The following SGIP1 variants were observed in gnomAD, a reference collection of about 807,000 sequenced individuals.
The protein encoded by SGIP1 is SH3GL interacting endocytic adaptor 1.
A neutral mutation model predicts 107.5 loss-of-function variants in SGIP1; 38 were observed. The ratio of observed to expected loss-of-function variants is 0.35; its 90% CI spans 0.27 to 0.46. The LOEUF (loss-of-function observed/expected upper bound fraction) is 0.46, where lower values mean the gene tolerates loss of function less well. Ranked by LOEUF, SGIP1 falls within the 20% of genes least tolerant of loss-of-function variation. The pLI is 1.00. For synonymous variants in SGIP1, 365 were observed against 366.1 expected (o/e 1.00, Z 0.03); for missense variants, 929 against 1,019.5 (o/e 0.91, Z 1.21).
intron 18 of SGIP1, among the ~76,000 whole-genome samples, chr1:66,715,193 G>A (rs746028682): frequency 4.6e-5 from 7 of 152,104 alleles, no homozygotes; most frequent in Non-Finnish European, 8.8e-5. Flanking sequence ...TTTGGATAAT[G>A]TTTGTAGAAT....
intron 18 of SGIP1, among the ~76,000 whole-genome samples, chr1:66,712,003 C>T (rs1010828950): frequency 1.3e-5 from 2 of 152,114 alleles, no homozygotes; most frequent in Non-Finnish European, 2.9e-5. Flanking sequence ...CTGAAGCCTA[C>T]ACCCTCTGAC....
chr1:66,642,974 T>A (rs886552077), intron 6 of SGIP1, 110 bp downstream of exon 6: 25 of 909,818 alleles, frequency 2.7e-5, no homozygotes, highest in Non-Finnish European at 4.1e-5. Flanking sequence ...ACAAGTCCTG[T>A]TATCCCTAAT....
At chr1:66,638,500 C>G (rs1356587378) in intron 4 of SGIP1, among the ~76,000 whole-genome samples, 1 of 152,124 alleles carries the variant, frequency 6.6e-6, no homozygotes, top group Non-Finnish European at 1.5e-5. Context: ...TGGTCACAGA[C>G]CTTATGTCCA....
intron 1 of SGIP1, among the ~76,000 whole-genome samples, chr1:66,541,702 A>G (rs1260400277): frequency 6.6e-6 from 1 of 152,190 alleles, no homozygotes; most frequent in African/African-American, 2.4e-5. Context: ...GTGTGGAGTT[A>G]CCTGTGTTTC....
At chr1:66,658,673 A>G (rs962812700) in intron 7 of SGIP1, among the ~76,000 whole-genome samples, 10 of 152,350 alleles carry the variant, frequency 6.6e-5, no homozygotes, top group African/African-American at 1.9e-4. Flanking sequence ...GTGAGCTAAT[A>G]ATCAAGTGGA....
Position 66,750,336 on chromosome 1 carries a change from C to T in SGIP1, c.*7241C>T, listed in dbSNP as rs959756961. On this transcript the variant is annotated 3_prime_UTR_variant, in exon 25 of 25. Transcript: ENST00000371037. ...ATTAATTTTCATTCTTACTAAGTGG[C>T]CATGTAAGGCATTGATTTTTTTTAA... Among the ~76,000 whole-genome samples the T allele has an allele frequency of 6.6e-6, 1 of 151,966 alleles. No homozygotes were observed. The highest frequency in any genetic ancestry group is 2.4e-5 in the African/African-American group (1 of 41,350).
At chr1:66,610,294 A>T (rs1278690469) in intron 1 of SGIP1, among the ~76,000 whole-genome samples, 1 of 152,200 alleles carries the variant, frequency 6.6e-6, no homozygotes, top group Non-Finnish European at 1.5e-5. Flanking sequence ...TTGTTTTTCT[A>T]TGTGATTATA....
chr1:66,725,197 G>A (rs553376287), intron 19 of SGIP1, among the ~76,000 whole-genome samples: 1 of 152,320 alleles, frequency 6.6e-6, no homozygotes, highest in South Asian at 2.1e-4. Context: ...TAACACCTGA[G>A]TGAGGGAGGC....
rs2089255048 is a variant in SGIP1, at chr1:66,689,173, C to A, written c.1341C>A (p.Ala447=). The A allele has an allele frequency of 5.6e-6, 9 of 1,613,412 alleles. No homozygotes were observed. Among genetic ancestry groups the A allele is most frequent in the Non-Finnish European group, 7.6e-6 (9 of 1,179,772 alleles). Reference sequence around the variant, plus strand: ...GTGCATCATCCCCTGCTCGACCAGCCACTCCTTTGGTTCCTTGCAGAAGTA... The same window carrying A: ...GTGCATCATCCCCTGCTCGACCAGCAACTCCTTTGGTTCCTTGCAGAAGTA... ...TSGASSPARP[A]TPLVPCRSTT... is the part of the protein sequence containing the mutation. The change falls in exon 16 of 25, where the codon GCC becomes GCA. Residue 447 remains alanine, a synonymous_variant. Transcript: ENST00000371037.
At chr1:66,545,490 A>T (rs1287460913) in intron 1 of SGIP1, among the ~76,000 whole-genome samples, 6 of 152,206 alleles carry the variant, frequency 3.9e-5, no homozygotes, top group African/African-American at 1.4e-4. Context: ...GCTAGTGAAC[A>T]TGTTTCCTCC....
intron 1 of SGIP1, among the ~76,000 whole-genome samples, chr1:66,555,550 T>C (rs573905285): frequency 1.3e-5 from 2 of 152,260 alleles, no homozygotes; most frequent in South Asian, 4.1e-4. Flanking sequence ...TTGGTTGAAT[T>C]AACAAATGAC....
chr1:66,714,045 T>C (rs1434395055), intron 18 of SGIP1, among the ~76,000 whole-genome samples: 1 of 152,064 alleles, frequency 6.6e-6, no homozygotes, highest in Non-Finnish European at 1.5e-5. Flanking sequence ...CAACTCTAAT[T>C]CAACAACCTC....
intron 20 of SGIP1, among the ~76,000 whole-genome samples, chr1:66,731,676 A>C (rs1191189980): frequency 1.3e-5 from 2 of 152,122 alleles, no homozygotes; most frequent in African/African-American, 2.4e-5. Flanking sequence ...CCACTACCTC[A>C]ACCACCACAA....
intron 18 of SGIP1, among the ~76,000 whole-genome samples, chr1:66,697,771 T>C (rs2150181373): frequency 6.6e-6 from 1 of 152,288 alleles, no homozygotes. Context: ...TAAAATGACA[T>C]AGAAATGGTG....
intron 7 of SGIP1, among the ~76,000 whole-genome samples, chr1:66,649,853 T>G (rs917529682): frequency 1.3e-5 from 2 of 152,194 alleles, no homozygotes; most frequent in Admixed American, 1.3e-4. Context: ...ACTCCAATGA[T>G]GTCCCAATTA....
intron 1 of SGIP1, among the ~76,000 whole-genome samples, chr1:66,604,284 A>G (rs921612688): frequency 3.9e-4 from 60 of 152,294 alleles, no homozygotes; most frequent in African/African-American, 1.4e-3. Context: ...AATGTAGCAA[A>G]ATATTCCATG....
intron 18 of SGIP1, among the ~76,000 whole-genome samples, chr1:66,699,867 T>C (rs1469220664): frequency 6.6e-6 from 1 of 152,106 alleles, no homozygotes; most frequent in African/African-American, 2.4e-5. Context: ...GAATGGAGCA[T>C]AGTGAGGGTT....
chr1:66,548,512 T>C (rs1371150259), intron 1 of SGIP1, among the ~76,000 whole-genome samples: 1 of 152,128 alleles, frequency 6.6e-6, no homozygotes, highest in African/African-American at 2.4e-5. Flanking sequence ...AAAATGAAGA[T>C]ATTAGAGATC....
intron 9 of SGIP1, 68 bp downstream of exon 9, chr1:66,667,609 G>A: frequency 6.8e-7 from 1 of 1,480,082 alleles, no homozygotes; most frequent in South Asian, 1.1e-5. Flanking sequence ...AAGGTGGCCA[G>A]GTTGGTTTCC....
Sources: gnomAD v4.1 joint callset for allele counts (sites outside exome capture counted in the v4.1 genomes callset) on GRCh38, gnomAD v4.1.1 for gene constraint, MANE v1.5 for transcripts, NCBI Gene and HGNC (gene_info 2026-07-23, HGNC 2026-07-21) for gene names.